SLC24A2: variants seen among roughly 807,000 people sequenced by gnomAD.
SLC24A2 encodes the protein solute carrier family 24 member 2.
SLC24A2 carries 36 observed loss-of-function variants against 62.0 expected under a neutral mutation model. The ratio of observed to expected loss-of-function variants is 0.58; its 90% CI spans 0.44 to 0.77. SLC24A2 has a LOEUF of 0.77. Among genes scored for constraint, SLC24A2 ranks in the 30% least tolerant of loss-of-function variants. The pLI, the probability that SLC24A2 is intolerant of heterozygous loss-of-function variation, is 0.00. For missense variants in SLC24A2, 846 were observed against 817.9 expected, an observed-to-expected ratio of 1.03 and a Z score of -0.42; for synonymous variants, 358 against 294.0, an observed-to-expected ratio of 1.22 and a Z score of -2.23.
chr9:19,887,947 A>T, the SLC24A2 span, among the ~76,000 whole-genome samples: 1 of 152,016 alleles, frequency 6.6e-6, no homozygotes. Flanking sequence ...GTGGGAGCTA[A>T]GGTATGAGGA....
the SLC24A2 span, among the ~76,000 whole-genome samples, chr9:19,909,939 A>C: frequency 6.6e-6 from 1 of 151,982 alleles, no homozygotes; most frequent in African/African-American, 2.4e-5. Flanking sequence ...AACATGTTCA[A>C]ATTTTTCTCA....
At chr9:19,807,717 G>A in the SLC24A2 span, among the ~76,000 whole-genome samples, 11 of 152,146 alleles carry the variant, frequency 7.2e-5, no homozygotes, top group African/African-American at 2.7e-4. Context: ...CTTTTGGATT[G>A]AATCTGCTTT....
chr9:20,124,092 C>T, the SLC24A2 span, among the ~76,000 whole-genome samples: 1 of 152,108 alleles, frequency 6.6e-6, no homozygotes, highest in Non-Finnish European at 1.5e-5. Context: ...ACTTTCTATT[C>T]ATCCTTGATA....
rs116366364 is a variant in SLC24A2 at position 19,628,192 on chromosome 9, G to C, written c.931-5893C>G. Among the ~76,000 whole-genome samples the C allele has an allele frequency of 8.9e-3, 1,353 of 152,256 alleles. 18 individuals carry two copies. The highest frequency in any genetic ancestry group is 0.03 in the African/African-American group (1,228 of 41,532). ...GCAATTAAGAGGCCTGGGTGAGTGA[G>C]AGCACCCTGGCAGAACAGAACTGTG... On this transcript the variant is annotated intron_variant, in intron 2 of 10. Coordinates refer to ENST00000341998, the MANE Select transcript of SLC24A2 (RefSeq NM_020344.4).
At chr9:19,675,770 G>A (rs1321905822) in intron 2 of SLC24A2, among the ~76,000 whole-genome samples, 1 of 152,084 alleles carries the variant, frequency 6.6e-6, no homozygotes, top group Non-Finnish European at 1.5e-5. Flanking sequence ...CCTACCCCAG[G>A]CTGAGAAAGC....
chr9:19,793,895 A>T (rs1193476726), upstream of SLC24A2, among the ~76,000 whole-genome samples: 1 of 152,044 alleles, frequency 6.6e-6, no homozygotes, highest in Non-Finnish European at 1.5e-5. Flanking sequence ...TTGCTTATTT[A>T]AAAAAATCAC....
chr9:19,515,088 A>G lies in SLC24A2; in HGVS notation c.*1065T>C, dbSNP rs913792416. On this transcript the variant is annotated 3_prime_UTR_variant, in exon 11 of 11. Coordinates refer to ENST00000341998, the MANE Select transcript of SLC24A2 (RefSeq NM_020344.4). The stretch of plus-strand genomic sequence containing the variant: ...GCCCTTAGCATCAAAATATATCTAC[A>G]TGACAATCACAGCTAAACTTACCCC... The G allele has an allele frequency of 2.6e-5, 4 of 152,146 alleles. No homozygotes were observed. Among genetic ancestry groups the G allele is most frequent in the Non-Finnish European group, 4.4e-5 (3 of 68,032 alleles). 9.4% of individuals were successfully genotyped at this position (152,146 alleles called of 1,614,324 possible). A position where few individuals can be genotyped will look rare whatever the true frequency, so the allele number is the denominator to read the frequency against.
chr9:19,567,030 G>C (rs1835680095), intron 7 of SLC24A2, among the ~76,000 whole-genome samples: 1 of 151,912 alleles, frequency 6.6e-6, no homozygotes, highest in African/African-American at 2.4e-5. Flanking sequence ...AATGGCTGCG[G>C]CACACCAACA....
At chr9:19,575,420 C>T (rs1440584938) in intron 6 of SLC24A2, among the ~76,000 whole-genome samples, 3 of 152,138 alleles carry the variant, frequency 2.0e-5, no homozygotes, top group East Asian at 1.9e-4. Context: ...TTAACATGTC[C>T]AAGAACAGAG....
At chr9:19,793,165 G>C (rs1242315876), upstream of SLC24A2, among the ~76,000 whole-genome samples, 1 of 152,198 alleles carries the variant, frequency 6.6e-6, no homozygotes, top group Non-Finnish European at 1.5e-5. Flanking sequence ...GGAGGATGTA[G>C]GTTATGTTAT....
At chr9:19,684,222 G>A (rs1210013293) in intron 2 of SLC24A2, among the ~76,000 whole-genome samples, 2 of 152,050 alleles carry the variant, frequency 1.3e-5, no homozygotes, top group East Asian at 1.9e-4. Flanking sequence ...GAGACAGACA[G>A]TCCTCCTTGG....
the SLC24A2 span, among the ~76,000 whole-genome samples, chr9:20,103,787 A>T: frequency 0.1 from 15,295 of 149,532 alleles, 838 homozygotes; most frequent in Middle Eastern, 0.17. Context: ...TAAAAAGCAG[A>T]GCGCCCCTCC....
chr9:19,677,844 A>G (rs571088860), intron 2 of SLC24A2, among the ~76,000 whole-genome samples: 2 of 150,090 alleles, frequency 1.3e-5, no homozygotes, highest in South Asian at 4.2e-4. Context: ...TACATTTATT[A>G]TATACTATAT....
intron 2 of SLC24A2, among the ~76,000 whole-genome samples, chr9:19,784,595 G>C (rs1181012479): frequency 6.6e-6 from 1 of 152,194 alleles, no homozygotes; most frequent in Non-Finnish European, 1.5e-5. Context: ...GACTCGAGGA[G>C]AGCACTTGAG....
chr9:19,518,336 A>G (rs1038588491), intron 10 of SLC24A2, among the ~76,000 whole-genome samples: 2 of 152,200 alleles, frequency 1.3e-5, no homozygotes, highest in South Asian at 2.1e-4. Context: ...TGTAATTTCA[A>G]TCATGTGAAA....
chr9:20,176,169 G>A, the SLC24A2 span, among the ~76,000 whole-genome samples: 12 of 152,126 alleles, frequency 7.9e-5, no homozygotes, highest in African/African-American at 2.6e-4. Context: ...TCTAGGCTAC[G>A]GTTCCATGAA....
At chr9:20,264,313 G>A in the SLC24A2 span, among the ~76,000 whole-genome samples, 1 of 152,188 alleles carries the variant, frequency 6.6e-6, no homozygotes, top group Non-Finnish European at 1.5e-5. Context: ...TAAAGTACTT[G>A]GAACAAAGTA....
intron 4 of SLC24A2, among the ~76,000 whole-genome samples, chr9:19,618,230 C>A (rs955594664): frequency 6.6e-6 from 1 of 152,148 alleles, no homozygotes; most frequent in African/African-American, 2.4e-5. Context: ...AAGCAGTCGG[C>A]CTGCAATCTC....
the SLC24A2 span, among the ~76,000 whole-genome samples, chr9:20,047,565 G>A: frequency 7.0e-6 from 1 of 143,368 alleles, no homozygotes; most frequent in Non-Finnish European, 1.6e-5. Flanking sequence ...GATCTGCAAT[G>A]GAAGATGGCC....
Sources: allele counts gnomAD v4.1 joint callset (sites outside exome capture counted in the v4.1 genomes callset), GRCh38; gene constraint gnomAD v4.1.1; transcripts MANE v1.5; gene names NCBI Gene and HGNC (gene_info 2026-07-23, HGNC 2026-07-21).